The following CPNE8 variants were observed in gnomAD, a reference collection of about 807,000 sequenced individuals.
CPNE8 encodes copine-8.
In CPNE8, 45 loss-of-function variants were observed where a neutral mutation model predicts 81.5. The ratio of observed to expected loss-of-function variants is 0.55; its 90% CI spans 0.44 to 0.71. CPNE8 has a LOEUF of 0.71. Among genes scored for constraint, CPNE8 ranks in the 30% least tolerant of loss-of-function variants. The pLI is 0.00. For synonymous variants in CPNE8, 252 were observed against 226.3 expected (o/e 1.11, Z -1.02); for missense variants, 594 against 672.1 (o/e 0.88, Z 1.28).
intron 3 of CPNE8, among the ~76,000 whole-genome samples, chr12:38,860,385 C>CAAAA (rs36025286): frequency 6.1e-4 from 68 of 111,112 alleles, no homozygotes; most frequent in Admixed American, 8.8e-4. Context: ...TGGCTATTAT[C>CAAAA]AAAAAAAAAA....
rs1461464776 is a variant in CPNE8, at chr12:38,808,875, T to G, written c.407+20504A>C. ...AGTTATAAACAAATATTTTATAGAA[T>G]ATGATAAACAAGCAATAAATATGTA... On this transcript the variant is annotated intron_variant, in intron 6 of 19. Coordinates refer to ENST00000331366, the MANE Select transcript of CPNE8 (RefSeq NM_153634.3). 2.0e-5 allele frequency among the ~76,000 whole-genome samples: 3 copies of G among 151,886 alleles called. No homozygotes were observed. In the East Asian group the frequency reaches 5.8e-4, roughly 29 times the overall value.
At chr12:38,756,029 G>A (rs1359588225) in intron 10 of CPNE8, among the ~76,000 whole-genome samples, 20 of 53,792 alleles carry the variant, frequency 3.7e-4, no homozygotes, top group African/African-American at 9.1e-4. Context: ...GACAGAGCGA[G>A]ACTCCGTCTC....
chr12:38,807,018 A>T (rs551787311), intron 6 of CPNE8, among the ~76,000 whole-genome samples: 138 of 152,202 alleles, frequency 9.1e-4, no homozygotes, highest in African/African-American at 3.1e-3. Context: ...CAAAGAGAAT[A>T]AAATACCTAG....
chr12:38,809,134 T>G (rs1942882896), intron 6 of CPNE8, among the ~76,000 whole-genome samples: 1 of 152,164 alleles, frequency 6.6e-6, no homozygotes, highest in African/African-American at 2.4e-5. Context: ...TTATCTCAAG[T>G]TTAGCAGCTA....
At chr12:38,764,618 A>G (rs1281364311) in intron 8 of CPNE8, among the ~76,000 whole-genome samples, 1 of 121,206 alleles carries the variant, frequency 8.3e-6, no homozygotes, top group Non-Finnish European at 1.7e-5. Flanking sequence ...CTCCGTCTCA[A>G]AAAAAAAAAA....
In CPNE8 at chr12:38,654,262, T is replaced by C. The variant is rs1938769090; in HGVS notation, c.1507-192A>G. Reference sequence around the variant, plus strand: ...CAGGCATGGTGGCTCATGCCTGTAATCCCAGCACTTTGGGAGGCTGAGGTG... The same window carrying C: ...CAGGCATGGTGGCTCATGCCTGTAACCCCAGCACTTTGGGAGGCTGAGGTG... On this transcript the variant is annotated intron_variant, in intron 19 of 19. Transcript: ENST00000331366. Among the ~76,000 whole-genome samples, 3 of 152,058 alleles carry C rather than the reference T, an allele frequency of 2.0e-5. No homozygotes were observed. The East Asian group carries it at 5.8e-4, about 29-fold the overall frequency.
intron 4 of CPNE8, among the ~76,000 whole-genome samples, chr12:38,845,955 C>T (rs1324653445): frequency 1.3e-5 from 2 of 152,166 alleles, no homozygotes; most frequent in Non-Finnish European, 2.9e-5. Context: ...TAAAACAATA[C>T]TTATTTAATT....
chr12:38,840,523 G>A (rs941420198), intron 4 of CPNE8, among the ~76,000 whole-genome samples: 20 of 152,070 alleles, frequency 1.3e-4, no homozygotes, highest in Non-Finnish European at 2.8e-4. Context: ...TCACGTGAAT[G>A]AATCTATGTT....
intron 19 of CPNE8, among the ~76,000 whole-genome samples, chr12:38,665,727 A>C (rs1445950829): frequency 6.6e-6 from 1 of 152,196 alleles, no homozygotes; most frequent in African/African-American, 2.4e-5. Context: ...TGCCTTATAC[A>C]CAATGGCCAA....
At chr12:38,853,373 A>C (rs1278459700) in intron 3 of CPNE8, among the ~76,000 whole-genome samples, 1 of 152,158 alleles carries the variant, frequency 6.6e-6, no homozygotes. Context: ...TGTCCTAAAA[A>C]GTCTCGTTCT....
rs183020495 is a variant in CPNE8 at position 38,779,858 on chromosome 12, A to C, written c.408-3557T>G. On this transcript the variant is annotated intron_variant, in intron 6 of 19. Coordinates refer to ENST00000331366, the MANE Select transcript of CPNE8 (RefSeq NM_153634.3). ...TATGAATAGTATACAAAATATAAGC[A>C]TTTATAATATATTTAAAATGTAAAG... is the stretch of plus-strand genomic sequence containing the variant. Among the ~76,000 whole-genome samples the C allele has an allele frequency of 3.7e-4, 57 of 152,288 alleles. 1 individual carries two copies. The East Asian group carries it at 8.3e-3, about 22-fold the overall frequency.
chr12:38,796,262 G>C (rs1384417345), intron 6 of CPNE8, among the ~76,000 whole-genome samples: 1 of 152,008 alleles, frequency 6.6e-6, no homozygotes, highest in East Asian at 1.9e-4. Flanking sequence ...ACTCCAGCCT[G>C]GGAGAGAGAG....
At chr12:38,878,721 T>A (rs1433458613) in intron 1 of CPNE8, among the ~76,000 whole-genome samples, 1 of 152,214 alleles carries the variant, frequency 6.6e-6, no homozygotes, top group Non-Finnish European at 1.5e-5. Context: ...TATCTCATGC[T>A]TGTCTTTCTC....
At chr12:38,811,573 G>C (rs369667202) in intron 6 of CPNE8, among the ~76,000 whole-genome samples, 75 of 152,264 alleles carry the variant, frequency 4.9e-4, no homozygotes, top group African/African-American at 1.7e-3. Flanking sequence ...GACATGTATT[G>C]GCCAGGCATG....
intron 6 of CPNE8, among the ~76,000 whole-genome samples, chr12:38,796,862 C>A (rs1719860): frequency 6.6e-6 from 1 of 152,060 alleles, no homozygotes; most frequent in Non-Finnish European, 1.5e-5. Context: ...GCTTTTCCGA[C>A]GGGCTTAAAA....
At chr12:38,695,974 C>G (rs1322763276) in intron 14 of CPNE8, among the ~76,000 whole-genome samples, 1 of 152,026 alleles carries the variant, frequency 6.6e-6, no homozygotes, top group Non-Finnish European at 1.5e-5. Flanking sequence ...CAAACGAATA[C>G]TTCCCCCAAC....
At chr12:38,801,069 T>G (rs1179858836) in intron 6 of CPNE8, among the ~76,000 whole-genome samples, 2 of 145,110 alleles carry the variant, frequency 1.4e-5, no homozygotes, top group East Asian at 2.0e-4. Context: ...TGGAACCAAG[T>G]TGGAAAACAC....
At position 38,652,880 on chromosome 12, in the gene CPNE8, A is replaced by T. The variant is rs1938729070; in HGVS notation, c.*1002T>A. The T allele has an allele frequency of 6.6e-6, 1 of 152,648 alleles. No homozygotes were observed. The allele number at this position is 152,648 out of a possible 1,614,324, so 9.5% of individuals were successfully genotyped here. On this transcript the variant is annotated 3_prime_UTR_variant, in exon 20 of 20. Transcript: ENST00000331366. ...TATTTAACTGGGAATTTCACAAAAG[A>T]CTTCCAGCCTGTGCACCTTGTGTGG...
intron 10 of CPNE8, among the ~76,000 whole-genome samples, chr12:38,736,028 T>A (rs1028534018): frequency 2.6e-5 from 4 of 151,874 alleles, no homozygotes; most frequent in Non-Finnish European, 4.4e-5. Flanking sequence ...ACTCTGGGCC[T>A]CCAAGAGGGA....
Sources: allele counts gnomAD v4.1 joint callset (sites outside exome capture counted in the v4.1 genomes callset), GRCh38; gene constraint gnomAD v4.1.1; transcripts MANE v1.5; gene names NCBI Gene and HGNC (gene_info 2026-07-23, HGNC 2026-07-21).